KIRREL1: variants seen among roughly 807,000 people sequenced by gnomAD.
KIRREL1 encodes the protein kirre like nephrin family adhesion molecule 1.
In KIRREL1, 25 loss-of-function variants were observed where a neutral mutation model predicts 83.3. The observed-to-expected ratio is 0.30, with a 90% CI of 0.22 to 0.42. The LOEUF is 0.42. Among genes scored for constraint, KIRREL1 ranks in the 10% least tolerant of loss-of-function variants. The probability of loss-of-function intolerance (pLI) is 1.00; values close to 1 mark genes in which losing one functional copy is unlikely to be tolerated. For missense variants in KIRREL1, 812 were observed against 1,032.3 expected (o/e 0.79, Z 2.92); for synonymous variants, 388 against 410.4 (o/e 0.95, Z 0.66).
intron 1 of KIRREL1, among the ~76,000 whole-genome samples, chr1:158,068,406 A>T (rs1661413863): frequency 6.6e-6 from 1 of 152,164 alleles, no homozygotes; most frequent in East Asian, 1.9e-4. Flanking sequence ...AAGGGTCTCT[A>T]AAGTCAGTCA....
rs188683712 is a variant in KIRREL1 at position 158,086,697 on chromosome 1, C to T, written c.612C>T (p.Asn204=). ...IGRVFTCRSM[N]EAIPSGKETS... ...GTGTCTTCACTTGCCGAAGCATGAACGAAGCCATCCCTAGTGGCAAGGAGA... is the reference window on the plus strand; with the variant it reads ...GTGTCTTCACTTGCCGAAGCATGAATGAAGCCATCCCTAGTGGCAAGGAGA... Residue 204 remains asparagine, a synonymous_variant, in exon 5 of 15, where the codon AAC becomes AAT. Coordinates refer to ENST00000359209, the MANE Select transcript of KIRREL1 (RefSeq NM_018240.7). 6.2e-5 allele frequency: 96 copies of T among 1,551,578 alleles called. No homozygotes were observed. Among genetic ancestry groups the T allele is most frequent in the Admixed American group, 1.6e-4 (8 of 50,962 alleles).
At chr1:158,069,600 G>C (rs1661454553) in intron 1 of KIRREL1, among the ~76,000 whole-genome samples, 1 of 152,076 alleles carries the variant, frequency 6.6e-6, no homozygotes, top group African/African-American at 2.4e-5. Context: ...ACAGTATTAA[G>C]GGGAGGTGGA....
Position 158,078,033 on chromosome 1 carries a change from A to G in KIRREL1, c.245A>G (p.Gln82Arg), listed in dbSNP as rs779432785. The change falls in exon 3 of 15, where the codon CAG becomes CGG. Residue 82 changes from glutamine to arginine, a missense_variant. Transcript: ENST00000359209. ...YRVVGSADAG[Q>R]YNLEITDAEL... Reference sequence around the variant, plus strand: ...GTTGTGGGCTCCGCAGACGCTGGGCAGTACAACCTGGAGATCACAGATGCT... The same window carrying G: ...GTTGTGGGCTCCGCAGACGCTGGGCGGTACAACCTGGAGATCACAGATGCT... 1.3e-5 allele frequency: 21 copies of G among 1,614,168 alleles called. No individual in the cohort carries two copies. Among genetic ancestry groups the G allele is most frequent in the South Asian group, 2.2e-5 (2 of 91,074 alleles).
chr1:158,035,235 C>A (rs1660442775), intron 1 of KIRREL1, among the ~76,000 whole-genome samples: 1 of 152,156 alleles, frequency 6.6e-6, no homozygotes, highest in Non-Finnish European at 1.5e-5. Flanking sequence ...TGGAAGGAAA[C>A]CTGTTTAGAA....
At chr1:158,037,916 G>T (rs1356355783) in intron 1 of KIRREL1, among the ~76,000 whole-genome samples, 2 of 152,236 alleles carry the variant, frequency 1.3e-5, no homozygotes, top group Non-Finnish European at 2.9e-5. Context: ...AGCCCAGGGT[G>T]CCTGGCTGAT....
chr1:158,074,049 G>T (rs561451299), intron 1 of KIRREL1, among the ~76,000 whole-genome samples: 2 of 152,174 alleles, frequency 1.3e-5, no homozygotes, highest in Non-Finnish European at 2.9e-5. Context: ...AGAGAAATGC[G>T]CAAGGATATG....
At chr1:158,021,143 C>T (rs1659994504) in intron 1 of KIRREL1, among the ~76,000 whole-genome samples, 2 of 152,058 alleles carry the variant, frequency 1.3e-5, no homozygotes, top group South Asian at 2.1e-4. Context: ...CAAAAATTCA[C>T]AGTAAAAAAT....
chr1:157,996,926 G>A (rs1052157070), intron 1 of KIRREL1, among the ~76,000 whole-genome samples: 3 of 152,150 alleles, frequency 2.0e-5, no homozygotes, highest in Non-Finnish European at 2.9e-5. Flanking sequence ...AGGCCTTCTC[G>A]CCTCTGCTCC....
chr1:157,999,730 T>G (rs1257382638), intron 1 of KIRREL1, among the ~76,000 whole-genome samples: 7 of 138,346 alleles, frequency 5.1e-5, no homozygotes, highest in East Asian at 2.2e-4. Flanking sequence ...AGGATGGGGG[T>G]GTGGGGGTGG....
chr1:158,091,131 C>T (rs1348404735), intron 10 of KIRREL1, among the ~76,000 whole-genome samples: 2 of 152,220 alleles, frequency 1.3e-5, no homozygotes, highest in African/African-American at 4.8e-5. Flanking sequence ...AATCTGATGT[C>T]AGCCATGCTT....
intron 1 of KIRREL1, among the ~76,000 whole-genome samples, chr1:157,998,509 A>G (rs1053576958): frequency 2.0e-5 from 3 of 152,192 alleles, no homozygotes; most frequent in Non-Finnish European, 4.4e-5. Flanking sequence ...TTTGTTTCTA[A>G]TATTAAACAC....
intron 11 of KIRREL1, among the ~76,000 whole-genome samples, chr1:158,091,838 C>G (rs950852580): frequency 5.9e-5 from 9 of 152,338 alleles, no homozygotes; most frequent in Non-Finnish European, 1.2e-4. Flanking sequence ...GGGGAAATGC[C>G]CTCACTTCGT....
At chr1:158,070,281 C>T (rs1457603426) in intron 1 of KIRREL1, among the ~76,000 whole-genome samples, 2 of 152,206 alleles carry the variant, frequency 1.3e-5, no homozygotes, top group Non-Finnish European at 2.9e-5. Context: ...ATCCCTGTAG[C>T]AGAAAATACC....
intron 1 of KIRREL1, among the ~76,000 whole-genome samples, chr1:158,071,417 C>A (rs753134817): frequency 2.0e-5 from 3 of 152,222 alleles, no homozygotes; most frequent in Non-Finnish European, 4.4e-5. Context: ...TTTTTCTCTG[C>A]CTGTCTTCAC....
At chr1:158,029,366 T>TGTGTGTGTGTGTGCGCGC (rs1553238087) in intron 1 of KIRREL1, among the ~76,000 whole-genome samples, 15 of 148,928 alleles carry the variant, frequency 1.0e-4, no homozygotes, top group African/African-American at 3.7e-4. Flanking sequence ...TGTGTGTGTG[T>TGTGTGTGTGTGTGCGCGC]GCACGTGCGC....
At chr1:158,012,616 T>C (rs779299683) in intron 1 of KIRREL1, among the ~76,000 whole-genome samples, 6 of 152,102 alleles carry the variant, frequency 3.9e-5, no homozygotes, top group Non-Finnish European at 7.4e-5. Flanking sequence ...TCCTTTCCAA[T>C]TGTCTGTGTG....
intron 1 of KIRREL1, among the ~76,000 whole-genome samples, chr1:158,001,518 G>A (rs1170504655): frequency 6.6e-6 from 1 of 152,228 alleles, no homozygotes; most frequent in African/African-American, 2.4e-5. Flanking sequence ...GGTGCAAGGT[G>A]TGGAGTCATT....
rs1007842911 is a variant in KIRREL1 at position 158,097,521 on chromosome 1, T to C, written c.*2401T>C. On this transcript the variant is annotated 3_prime_UTR_variant, in exon 15 of 15. Coordinates refer to ENST00000359209, the MANE Select transcript of KIRREL1 (RefSeq NM_018240.7). ...GAAGCCTGACACAGAGCTACTTCAC[T>C]GTCCTCTACTCCTTAACAAGGTAAC... The C allele has an allele frequency of 3.8e-5, 7 of 184,078 alleles. No individual in the cohort carries two copies. The highest frequency in any genetic ancestry group is 3.4e-4 in the Admixed American group (6 of 17,642). The allele number at this position is 184,078 out of a possible 1,614,324, so 11.4% of individuals were successfully genotyped here.
chr1:158,083,454 G>A (rs762965871), intron 3 of KIRREL1, among the ~76,000 whole-genome samples: 1 of 152,218 alleles, frequency 6.6e-6, no homozygotes, highest in Non-Finnish European at 1.5e-5. Flanking sequence ...GTGGGAGAAG[G>A]GCATGCCATA....
Sources: gnomAD v4.1 joint callset for allele counts (sites outside exome capture counted in the v4.1 genomes callset) on GRCh38, gnomAD v4.1.1 for gene constraint, MANE v1.5 for transcripts, NCBI Gene and HGNC (gene_info 2026-07-23, HGNC 2026-07-21) for gene names.